Variants in DAB1 observed in about 807,000 individuals in gnomAD.
DAB1 encodes disabled homolog 1.
Under a neutral mutation model 64.6 loss-of-function variants are expected in DAB1, and 15 were observed. That is an observed-to-expected ratio of 0.23 (90% CI 0.16 to 0.36). The LOEUF (loss-of-function observed/expected upper bound fraction) is 0.36. Among genes scored for constraint, DAB1 ranks in the 10% least tolerant of loss-of-function variants. The pLI is 1.00. For missense variants in DAB1, 596 were observed against 706.7 expected (o/e 0.84, Z 1.78); for synonymous variants, 235 against 251.9 (o/e 0.93, Z 0.64).
chr1:57,794,071 T>G (rs1262881169), intron 6 of DAB1, among the ~76,000 whole-genome samples: 1 of 152,174 alleles, frequency 6.6e-6, no homozygotes, highest in South Asian at 2.1e-4. Flanking sequence ...CCTTGAACCA[T>G]AAATCCTAAC....
At chr1:57,207,695 C>T (rs1665697940) in intron 2 of DAB1, among the ~76,000 whole-genome samples, 1 of 151,814 alleles carries the variant, frequency 6.6e-6, no homozygotes, top group Non-Finnish European at 1.5e-5. Context: ...CCGCCCGCCT[C>T]GGCCTCCCAA....
rs1183986713 is a variant in DAB1 at position 58,049,191 on chromosome 1, A to G, written n.387+101320T>C. On this transcript the variant is annotated intron_variant and non_coding_transcript_variant, in intron 5 of 20. Coordinates refer to the DAB1 transcript ENST00000485760. ...GTCCGTGAGCGTTCCCTATTGCTCA[A>G]AATGGCTTCTCAGGTTCTCATCAGT... 118 of 769,190 alleles carry G rather than the reference A, an allele frequency of 1.5e-4. 1 individual carries two copies. The highest frequency in any genetic ancestry group is 7.1e-6 in the Non-Finnish European group (3 of 421,414). The allele number at this position is 769,190 out of a possible 1,614,324, so 47.6% of individuals were successfully genotyped here. A position where few individuals can be genotyped will look rare whatever the true frequency, so the allele number is the denominator to read the frequency against.
intron 7 of DAB1, among the ~76,000 whole-genome samples, chr1:57,573,365 T>A (rs1558506658): frequency 6.6e-6 from 1 of 152,166 alleles, no homozygotes; most frequent in Non-Finnish European, 1.5e-5. Context: ...GTGCTGGGAT[T>A]ACAGGCATGA....
chr1:57,264,951 C>T (rs954935329), intron 2 of DAB1, among the ~76,000 whole-genome samples: 7 of 152,160 alleles, frequency 4.6e-5, no homozygotes, highest in African/African-American at 1.7e-4. Flanking sequence ...TTACTGTAAC[C>T]TCATTTAATC....
chr1:57,220,968 T>C (rs967389131), intron 2 of DAB1, among the ~76,000 whole-genome samples: 5 of 152,172 alleles, frequency 3.3e-5, no homozygotes, highest in African/African-American at 9.7e-5. Flanking sequence ...TGTGGCACTA[T>C]TCACAATAGT....
chr1:57,332,553 A>G (rs768881937), intron 1 of DAB1, among the ~76,000 whole-genome samples: 2 of 152,224 alleles, frequency 1.3e-5, no homozygotes, highest in Non-Finnish European at 2.9e-5. Flanking sequence ...TAACCTTCAG[A>G]AACCCCAAGG....
chr1:57,994,295 T>G (rs1328251377), intron 5 of DAB1, among the ~76,000 whole-genome samples: 1 of 152,186 alleles, frequency 6.6e-6, no homozygotes, highest in Non-Finnish European at 1.5e-5. Context: ...TTTTACTTTT[T>G]CCTTGAAAGA....
intron 2 of DAB1, among the ~76,000 whole-genome samples, chr1:58,526,890 A>G (rs932227490): frequency 6.6e-6 from 1 of 152,176 alleles, no homozygotes; most frequent in African/African-American, 2.4e-5. Context: ...GGGATGACAC[A>G]TTACATAACC....
intron 5 of DAB1, among the ~76,000 whole-genome samples, chr1:58,146,365 A>G (rs1654594700): frequency 6.6e-6 from 1 of 152,132 alleles, no homozygotes; most frequent in African/African-American, 2.4e-5. Context: ...GTGTGTGAGG[A>G]ACACCCAAAA....
At chr1:57,701,186 C>G (rs1166245502) in intron 6 of DAB1, among the ~76,000 whole-genome samples, 3 of 151,972 alleles carry the variant, frequency 2.0e-5, no homozygotes, top group Non-Finnish European at 4.4e-5. Flanking sequence ...CCATTTGACC[C>G]AGCCATCCCA....
intron 1 of DAB1, among the ~76,000 whole-genome samples, chr1:57,858,118 G>C (rs1023214512): frequency 6.6e-6 from 1 of 151,850 alleles, no homozygotes. Context: ...GGAGTTGAAT[G>C]GGTTCCTTCT....
intron 5 of DAB1, among the ~76,000 whole-genome samples, chr1:58,132,228 C>T (rs1054510981): frequency 3.3e-5 from 5 of 152,154 alleles, no homozygotes; most frequent in African/African-American, 4.8e-5. Flanking sequence ...TTTCCAGGTG[C>T]GGTCCGTCAG....
chr1:57,305,053 C>T (rs760035977), intron 1 of DAB1, among the ~76,000 whole-genome samples: 2 of 152,180 alleles, frequency 1.3e-5, no homozygotes, highest in African/African-American at 2.4e-5. Context: ...TTTGGAGGTG[C>T]CAGCGGGAAA....
At chr1:58,507,513 C>T (rs1646007651) in intron 2 of DAB1, among the ~76,000 whole-genome samples, 1 of 151,724 alleles carries the variant, frequency 6.6e-6, no homozygotes, top group Non-Finnish European at 1.5e-5. Context: ...TCCTTAAGAC[C>T]TCTGAGTATT....
chr1:57,529,976 T>C, intron 7 of DAB1, among the ~76,000 whole-genome samples: 1 of 152,116 alleles, frequency 6.6e-6, no homozygotes, highest in East Asian at 1.9e-4. Flanking sequence ...ACAAAGCCTC[T>C]ATTTTGTGCT....
At chr1:57,254,516 T>C (rs1047461008) in intron 2 of DAB1, among the ~76,000 whole-genome samples, 14 of 152,226 alleles carry the variant, frequency 9.2e-5, no homozygotes, top group African/African-American at 3.1e-4. Flanking sequence ...ACAGGGCTTC[T>C]TGTTTGGTGT....
At chr1:57,806,174 A>G (rs905779347) in intron 6 of DAB1, among the ~76,000 whole-genome samples, 1 of 152,104 alleles carries the variant, frequency 6.6e-6, no homozygotes, top group African/African-American at 2.4e-5. Flanking sequence ...CTACTTAGTC[A>G]TGTGGCCTCC....
intron 2 of DAB1, among the ~76,000 whole-genome samples, chr1:57,189,026 G>A (rs988121612): frequency 6.6e-6 from 1 of 152,148 alleles, no homozygotes; most frequent in African/African-American, 2.4e-5. Context: ...AGGGTGGGGA[G>A]TAGAAATTCC....
chr1:58,454,242 G>A (rs1330792081), intron 3 of DAB1, among the ~76,000 whole-genome samples: 2 of 152,136 alleles, frequency 1.3e-5, no homozygotes, highest in African/African-American at 4.8e-5. Context: ...ATTGCCTCTG[G>A]AATTAACTCA....
Sources: allele counts gnomAD v4.1 joint callset (sites outside exome capture counted in the v4.1 genomes callset), GRCh38; gene constraint gnomAD v4.1.1; transcripts MANE v1.5; gene names NCBI Gene and HGNC (gene_info 2026-07-23, HGNC 2026-07-21).